The following ZNF143 variants were observed in gnomAD, a reference collection of about 807,000 sequenced individuals.
The protein encoded by ZNF143 is SPH-binding factor.
A neutral mutation model predicts 74.1 loss-of-function variants in ZNF143; 49 were observed. The ratio of observed to expected loss-of-function variants is 0.66; its 90% CI spans 0.53 to 0.84. The LOEUF is 0.84. ZNF143 is among the 40% of genes least tolerant of loss of function. The probability of loss-of-function intolerance (pLI) is 0.00; values close to 1 mark genes in which losing one functional copy is unlikely to be tolerated. For missense variants in ZNF143, 637 were observed against 793.4 expected, an observed-to-expected ratio of 0.80 and a Z score of 2.37; for synonymous variants, 304 against 282.8, an observed-to-expected ratio of 1.07 and a Z score of -0.75.
intron 5 of ZNF143, 104 bp downstream of exon 5, chr11:9,474,737 GTATT>G (rs1035544306): frequency 8.5e-6 from 10 of 1,174,260 alleles, no homozygotes; most frequent in Middle Eastern, 2.0e-4. Context: ...GGAAAGAATT[GTATT>G]TATTCATTAA....
chr11:9,478,703 G>A, intron 6 of ZNF143, 117 bp downstream of exon 6: 3 of 1,251,452 alleles, frequency 2.4e-6, no homozygotes, highest in Non-Finnish European at 2.2e-6. Context: ...TTTTGGCTGG[G>A]CATGGCGTGA....
At position 9,471,993 on chromosome 11, in the gene ZNF143, G is replaced by C. The variant is rs1273124517; in HGVS notation, c.112+573G>C. 2.7e-5 allele frequency among the ~76,000 whole-genome samples: 4 copies of C among 145,956 alleles called. No individual in the cohort carries two copies. The East Asian group carries it at 8.3e-4, about 30-fold the overall frequency. On this transcript the variant is annotated intron_variant, in intron 2 of 15. Transcript: ENST00000396602. ...CGCCCAGGCTGGAGTGCAGTGGTAT[G>C]ATCACGGCTCACTGTAGCCTCAGCC...
chr11:9,502,179 G>C (rs1369965104), intron 11 of ZNF143, among the ~76,000 whole-genome samples: 66 of 144,572 alleles, frequency 4.6e-4, no homozygotes, highest in Admixed American at 1.5e-3. Context: ...CAGGTGATCT[G>C]CCCGCCTCGG....
At chr11:9,477,740 G>A (rs1462341455) in intron 5 of ZNF143, among the ~76,000 whole-genome samples, 1 of 152,196 alleles carries the variant, frequency 6.6e-6, no homozygotes, top group East Asian at 1.9e-4. Flanking sequence ...GGACTGTGGA[G>A]TCATACTGAC....
At chr11:9,487,121 C>T (rs371428366) in intron 7 of ZNF143, among the ~76,000 whole-genome samples, 3 of 151,164 alleles carry the variant, frequency 2.0e-5, no homozygotes, top group South Asian at 2.1e-4. Flanking sequence ...TGCCTGCTAC[C>T]ACGCCTGGCT....
chr11:9,501,780 G>A (rs1000809546), intron 11 of ZNF143, among the ~76,000 whole-genome samples: 3 of 152,098 alleles, frequency 2.0e-5, no homozygotes, highest in Non-Finnish European at 1.5e-5. Flanking sequence ...TATGACAGGA[G>A]CATTAAGTAC....
At chr11:9,467,160 G>C (rs528141486) in intron 1 of ZNF143, among the ~76,000 whole-genome samples, 17 of 152,008 alleles carry the variant, frequency 1.1e-4, no homozygotes, top group African/African-American at 4.1e-4. Context: ...CCAAAGTGCT[G>C]GGATTACAGG....
chr11:9,525,531 G>C, intron 15 of ZNF143, 145 bp downstream of exon 15: 1 of 1,073,718 alleles, frequency 9.3e-7, no homozygotes, highest in Non-Finnish European at 1.4e-6. Context: ...GGAAATCGGT[G>C]TATTTGAGGT....
chr11:9,474,028 A>G lies in ZNF143; in HGVS notation c.289+4A>G. The stretch of plus-strand genomic sequence containing the variant: ...CATGTACCCATACCTAAAAGTAGTA[A>G]GTATTTAAGATAACAGCACGGGAAA... On this transcript the variant is annotated splice_donor_region_variant and intron_variant, in intron 4 of 15. Coordinates refer to ENST00000396602, the MANE Select transcript of ZNF143 (RefSeq NM_003442.6). 1.2e-6 allele frequency: 2 copies of G among 1,606,208 alleles called. No homozygotes were observed. The highest frequency in any genetic ancestry group is 1.7e-6 in the Non-Finnish European group (2 of 1,173,168).
Position 9,525,275 on chromosome 11 carries a change from T to C in ZNF143, c.1722T>C (p.His574=), listed in dbSNP as rs1206318560. 1 of 1,614,242 alleles carries C rather than the reference T, an allele frequency of 6.2e-7. No individual in the cohort carries two copies. Among genetic ancestry groups the C allele is most frequent in the Non-Finnish European group, 8.5e-7 (1 of 1,180,050 alleles). Residue 574 remains histidine, a synonymous_variant, in exon 15 of 16, where the codon CAT becomes CAC. Transcript: ENST00000396602. ...TAGCTCAAGACTTGGCAGCATTCCA[T>C]ACTGCCTCATCAGAAATGGGGCACC... ...AIVAQDLAAF[H]TASSEMGHQQ...
intron 5 of ZNF143, 58 bp from the exon 6 acceptor site, chr11:9,478,332 T>A (rs1847099818): frequency 6.4e-7 from 1 of 1,554,684 alleles, no homozygotes; most frequent in Non-Finnish European, 8.8e-7. Flanking sequence ...CCTTTAAATA[T>A]GTAAATATTT....
chr11:9,469,265 C>G (rs929533250), intron 1 of ZNF143, among the ~76,000 whole-genome samples: 2 of 110,366 alleles, frequency 1.8e-5, no homozygotes, highest in African/African-American at 7.0e-5. Flanking sequence ...GAGTTTCGCT[C>G]TTGTTGCCCA....
chr11:9,524,132 T>C (rs1849044536), intron 14 of ZNF143, among the ~76,000 whole-genome samples: 1 of 152,066 alleles, frequency 6.6e-6, no homozygotes, highest in African/African-American at 2.4e-5. Context: ...TTCTGGGCTA[T>C]TCTTCTCTGT....
Position 9,496,304 on chromosome 11 carries a change from T to C in ZNF143, c.767T>C (p.Val256Ala). 1 of 1,614,056 alleles carries C rather than the reference T, an allele frequency of 6.2e-7. No individual in the cohort carries two copies. The highest frequency in any genetic ancestry group is 2.2e-5 in the East Asian group (1 of 44,882). ...KLYTTAHHLK[V>A]HERSHTGDRP... ...ATCATGCCTGCATTTTAATCACAGG[T>C]CCATGAGAGGTCACACACAGGAGAT... Residue 256 changes from valine to alanine, a missense_variant and splice_region_variant, in exon 9 of 16, where the codon GTC (valine) becomes GCC (alanine). This residue lies in a region of ZNF143 where 344 missense variants were observed against 485.6 expected (regional missense o/e 0.71). Coordinates refer to ENST00000396602, the MANE Select transcript of ZNF143 (RefSeq NM_003442.6).
chr11:9,463,561 A>G (rs1003929343), intron 1 of ZNF143, among the ~76,000 whole-genome samples: 1 of 152,214 alleles, frequency 6.6e-6, no homozygotes, highest in African/African-American at 2.4e-5. Flanking sequence ...GTGCCTAACG[A>G]TCATTTATAA....
intron 3 of ZNF143, 64 bp from the exon 4 acceptor site, chr11:9,473,877 G>T (rs763948325): frequency 6.2e-7 from 1 of 1,612,706 alleles, no homozygotes; most frequent in Non-Finnish European, 8.5e-7. Flanking sequence ...ATATCATTTT[G>T]AAATTGTATA....
intron 8 of ZNF143, 110 bp from the exon 9 acceptor site, chr11:9,496,178 TTTTTATAAGAAAAAA>T (rs1301338443): frequency 1.3e-6 from 1 of 787,240 alleles, no homozygotes. Context: ...GAAGTTATCT[TTTTTATAAGAAAAAA>T]GCATACAACA....
intron 12 of ZNF143, among the ~76,000 whole-genome samples, chr11:9,511,040 A>G (rs575209996): frequency 6.6e-6 from 1 of 150,698 alleles, no homozygotes; most frequent in Admixed American, 6.6e-5. Flanking sequence ...TTTGCAAACC[A>G]TTCTGGCTTT....
chr11:9,511,114 T>C (rs1326954822), intron 12 of ZNF143, among the ~76,000 whole-genome samples: 1 of 143,120 alleles, frequency 7.0e-6, no homozygotes, highest in Non-Finnish European at 1.5e-5. Context: ...TTTTTTTTTT[T>C]TTTTTTTTTT....
Sources: allele counts gnomAD v4.1 joint callset (sites outside exome capture counted in the v4.1 genomes callset), GRCh38; gene constraint gnomAD v4.1.1; regional missense constraint gnomAD v4.1.1; transcripts MANE v1.5; gene names NCBI Gene and HGNC (gene_info 2026-07-23, HGNC 2026-07-21).